LOXHD1: variants seen among roughly 807,000 people sequenced by gnomAD.
The protein encoded by LOXHD1 is lipoxygenase homology domain-containing protein 1.
LOXHD1 carries 205 observed loss-of-function variants against 248.2 expected under a neutral mutation model. The observed-to-expected ratio is 0.83, with a 90% confidence interval of 0.74 to 0.93. LOXHD1 has a LOEUF of 0.93. Ranked by LOEUF, LOXHD1 falls within the 40% of genes least tolerant of loss-of-function variation. The pLI is 0.00. For synonymous variants in LOXHD1, 1,113 were observed against 1,162.8 expected (o/e 0.96, Z 0.87); for missense variants, 2,930 against 2,971.6 (o/e 0.99, Z 0.33).
At chr18:46,490,639 C>T (rs898550505) in intron 37 of LOXHD1, among the ~76,000 whole-genome samples, 20 of 152,172 alleles carry the variant, frequency 1.3e-4, no homozygotes, top group African/African-American at 4.8e-4. Flanking sequence ...CCACACCTGG[C>T]TAATCTTGTA....
chr18:46,631,505 CT>C (rs2038821920), intron 4 of LOXHD1, among the ~76,000 whole-genome samples: 1 of 152,106 alleles, frequency 6.6e-6, no homozygotes, highest in Admixed American at 6.5e-5. Flanking sequence ...GAGGGGACAC[CT>C]GAGGCAGAGG....
chr18:46,623,954 G>A (rs575110390), intron 4 of LOXHD1, among the ~76,000 whole-genome samples: 2 of 152,336 alleles, frequency 1.3e-5, no homozygotes, highest in South Asian at 4.1e-4. Flanking sequence ...CATATGCCCC[G>A]TAACTAAGCC....
At position 46,649,114 on chromosome 18, in the gene LOXHD1, C is replaced by T. The variant is rs762104540; in HGVS notation, c.245+41G>A. On this transcript the variant is annotated intron_variant, in intron 2 of 40. Coordinates refer to ENST00000642948, the MANE Select transcript of LOXHD1 (RefSeq NM_001384474.1). ...GGGTCCCAGAACCTAATCAACAGGA[C>T]TAATGGCCCAGGATCCCACCAAGGC... 3.2e-5 allele frequency: 48 copies of T among 1,508,902 alleles called. 2 individuals carry two copies. The South Asian group carries it at 5.7e-4, about 18-fold the overall frequency. The allele number at this position is 1,508,902 out of a possible 1,614,324, so 93.5% of individuals were successfully genotyped here.
At chr18:46,513,937 G>A (rs2035108355) in intron 34 of LOXHD1, among the ~76,000 whole-genome samples, 1 of 152,184 alleles carries the variant, frequency 6.6e-6, no homozygotes, top group Admixed American at 6.5e-5. Context: ...GTTGGCTTCA[G>A]TGATGATGTA....
At chr18:46,644,614 A>C (rs867493396) in intron 2 of LOXHD1, among the ~76,000 whole-genome samples, 2 of 152,160 alleles carry the variant, frequency 1.3e-5, no homozygotes, top group Non-Finnish European at 1.5e-5. Context: ...GTTACTCAGG[A>C]GGCTGAGGCG....
intron 36 of LOXHD1, among the ~76,000 whole-genome samples, chr18:46,507,067 C>T (rs181237960): frequency 1.3e-5 from 2 of 152,204 alleles, no homozygotes; most frequent in African/African-American, 4.8e-5. Flanking sequence ...TCCATCGGAG[C>T]GTCACCGCAC....
chr18:46,528,695 G>C (rs1252189547), intron 29 of LOXHD1, among the ~76,000 whole-genome samples: 1 of 152,166 alleles, frequency 6.6e-6, no homozygotes, highest in East Asian at 1.9e-4. Flanking sequence ...ATTCATATCT[G>C]ACCCTTCAAT....
chr18:46,481,889 C>T (rs1246684364), intron 40 of LOXHD1, among the ~76,000 whole-genome samples: 1 of 152,164 alleles, frequency 6.6e-6, no homozygotes, highest in African/African-American at 2.4e-5. Flanking sequence ...TCTCTCTCGG[C>T]CAACATTGTG....
Position 46,642,020 on chromosome 18 carries a change from C to T in LOXHD1, c.262G>A (p.Glu88Lys). 2 of 1,552,290 alleles carry T rather than the reference C, an allele frequency of 1.3e-6. No individual in the cohort carries two copies. Among genetic ancestry groups the T allele is most frequent in the Non-Finnish European group, 1.7e-6 (2 of 1,147,080 alleles). Residue 88 changes from glutamate to lysine, a missense_variant, in exon 3 of 41, where the codon GAG (glutamate) becomes AAG (lysine). By Grantham distance (56) the Glu-to-Lys change is moderately conservative. Transcript: ENST00000642948. Reference protein sequence around the residue: ...QLTSKSKSAFEKGNVDVFRVR... With the variant: ...QLTSKSKSAFKKGNVDVFRVR... ...CGGAACACATCGACGTTGCCCTTCT[C>T]AAAGGCAGACTTGCTCCTGCAATGA...
At chr18:46,496,514 G>GA (rs899625296) in intron 37 of LOXHD1, among the ~76,000 whole-genome samples, 33 of 151,944 alleles carry the variant, frequency 2.2e-4, no homozygotes, top group African/African-American at 6.3e-4. Flanking sequence ...AAGGTATCTT[G>GA]AAAAAAAATT....
At chr18:46,590,341 A>G (rs1461187574) in intron 12 of LOXHD1, among the ~76,000 whole-genome samples, 1 of 152,238 alleles carries the variant, frequency 6.6e-6, no homozygotes, top group Non-Finnish European at 1.5e-5. Flanking sequence ...TGTCAGTCAC[A>G]AAATTCAAGA....
rs1307195924 is a variant in LOXHD1, at chr18:46,507,547, CGCT to C, written c.5680_5682del (p.Ser1894del). Reference sequence around the variant, plus strand: ...GGGACCCCCGACCCACCCAGGATGTCGCTGGTCTTAACTGCGACGGTGTAGGAG... The same window carrying C: ...GGGACCCCCGACCCACCCAGGATGTCGGTCTTAACTGCGACGGTGTAGGAG... On this transcript the variant is annotated inframe_deletion, in exon 36 of 41. Transcript: ENST00000642948. The C allele has an allele frequency of 6.4e-7, 1 of 1,551,698 alleles. No homozygotes were observed. Among genetic ancestry groups the C allele is most frequent in the East Asian group, 2.4e-5 (1 of 40,908 alleles).
At chr18:46,557,557 C>A (rs2037394348) in intron 20 of LOXHD1, 68 bp from the exon 21 acceptor site, 10 of 1,540,880 alleles carry the variant, frequency 6.5e-6, no homozygotes, top group Non-Finnish European at 8.8e-6. Flanking sequence ...TCAGCCCCAT[C>A]CTCCCAAGAA....
chr18:46,520,512 C>T (rs1169888512), intron 33 of LOXHD1: 5 of 336,542 alleles, frequency 1.5e-5, no homozygotes, highest in Admixed American at 8.4e-5. Context: ...CTGACCTGTG[C>T]GTTTATATAA....
intron 4 of LOXHD1, among the ~76,000 whole-genome samples, chr18:46,634,538 AATT>A: frequency 6.6e-6 from 1 of 152,258 alleles, no homozygotes; most frequent in Non-Finnish European, 1.5e-5. Context: ...TGTTGGATAA[AATT>A]ATCTTTGGGC....
At chr18:46,597,125 CA>C (rs34667919) in intron 8 of LOXHD1, among the ~76,000 whole-genome samples, 11 of 151,676 alleles carry the variant, frequency 7.3e-5, no homozygotes, top group Non-Finnish European at 8.8e-5. Context: ...AAATACTAGG[CA>C]AAAAAATAGC....
rs148446241 is a variant in LOXHD1 at position 46,579,580 on chromosome 18, G to T, written c.1809+50C>A. Reference sequence around the variant, plus strand: ...GGGCAGGGAAGACGAGGGAACATGGGAAGGGAACTGGGAGGAAGGGGATGA... The same window carrying T: ...GGGCAGGGAAGACGAGGGAACATGGTAAGGGAACTGGGAGGAAGGGGATGA... On this transcript the variant is annotated intron_variant, in intron 13 of 40. Transcript: ENST00000642948. 538 of 1,550,116 alleles carry T rather than the reference G, an allele frequency of 3.5e-4. 5 individuals carry two copies. In the East Asian group the frequency reaches 1.0e-2, roughly 29 times the overall value.
In LOXHD1 at chr18:46,593,772, A is replaced by G. The variant is rs2038214869; in HGVS notation, c.1271-12T>C. ...GGACCAAGGGAATTCTGTAAGACAG[A>G]TCAAGTTGCACCATAAACTTCAGGA... is the stretch of plus-strand genomic sequence containing the variant. On this transcript the variant is annotated splice_polypyrimidine_tract_variant and intron_variant, in intron 9 of 40. Coordinates refer to ENST00000642948, the MANE Select transcript of LOXHD1 (RefSeq NM_001384474.1). 6.4e-7 allele frequency: 1 copy of G among 1,551,234 alleles called. No homozygotes were observed. Among genetic ancestry groups the G allele is most frequent in the African/African-American group, 1.4e-5 (1 of 72,998 alleles).
chr18:46,487,684 A>C (rs1249357303), intron 38 of LOXHD1, among the ~76,000 whole-genome samples: 1 of 152,196 alleles, frequency 6.6e-6, no homozygotes. Context: ...ATTAAGCTGA[A>C]ATGGTGTGGG....
Sources: gnomAD v4.1 joint callset for allele counts (sites outside exome capture counted in the v4.1 genomes callset) on GRCh38, gnomAD v4.1.1 for gene constraint, MANE v1.5 for transcripts, NCBI Gene and HGNC (gene_info 2026-07-23, HGNC 2026-07-21) for gene names.